LDB3: variants seen among roughly 807,000 people sequenced by gnomAD.
LDB3 encodes the protein LIM domain-binding protein 3.
A neutral mutation model predicts 69.0 loss-of-function variants in LDB3; 49 were observed. The ratio of observed to expected loss-of-function variants is 0.71; its 90% CI spans 0.56 to 0.90. The LOEUF (loss-of-function observed/expected upper bound fraction) is 0.90. Among genes scored for constraint, LDB3 ranks in the 40% least tolerant of loss-of-function variants. LDB3 has a pLI of 0.00. For synonymous variants in LDB3, 387 were observed against 396.2 expected, an observed-to-expected ratio of 0.98 and a Z score of 0.28; for missense variants, 928 against 974.1, an observed-to-expected ratio of 0.95 and a Z score of 0.63.
chr10:86,713,172 A>G (rs560273666), intron 9 of LDB3, among the ~76,000 whole-genome samples: 1 of 152,278 alleles, frequency 6.6e-6, no homozygotes, highest in South Asian at 2.1e-4. Context: ...TCTTGGTCGG[A>G]CTAGCCACAT....
intron 10 of LDB3, among the ~76,000 whole-genome samples, chr10:86,717,454 A>T (rs552316582): frequency 2.0e-4 from 31 of 152,374 alleles, no homozygotes; most frequent in African/African-American, 7.2e-4. Flanking sequence ...TAGACAATAC[A>T]AGTTTGTATC....
At chr10:86,718,622 GC>G in intron 11 of LDB3, 104 bp from the exon 12 acceptor site, 1 of 1,488,182 alleles carries the variant, frequency 6.7e-7, no homozygotes, top group East Asian at 2.3e-5. Flanking sequence ...GAGATCTCCT[GC>G]CCTGTTCCCT....
intron 2 of LDB3, among the ~76,000 whole-genome samples, chr10:86,674,471 G>T (rs1391916977): frequency 6.6e-6 from 1 of 152,158 alleles, no homozygotes; most frequent in Non-Finnish European, 1.5e-5. Context: ...AGGCGGAAGG[G>T]CTCCTGGGGG....
intron 7 of LDB3, among the ~76,000 whole-genome samples, chr10:86,696,273 C>T (rs1845994036): frequency 6.6e-6 from 1 of 152,160 alleles, no homozygotes; most frequent in Admixed American, 6.5e-5. Flanking sequence ...CCAATGGGTG[C>T]CCCCGCCAAT....
At chr10:86,691,359 C>A (rs1485845001) in intron 5 of LDB3, among the ~76,000 whole-genome samples, 1 of 152,200 alleles carries the variant, frequency 6.6e-6, no homozygotes, top group Non-Finnish European at 1.5e-5. Context: ...TGCCTTGTTT[C>A]TTACCACTTT....
intron 5 of LDB3, among the ~76,000 whole-genome samples, chr10:86,690,251 G>C (rs1845693459): frequency 6.6e-6 from 1 of 152,126 alleles, no homozygotes; most frequent in African/African-American, 2.4e-5. Context: ...CCTCCCAGTG[G>C]GTCAGGAGCC....
rs185972751 is a variant in LDB3, at chr10:86,699,697, C to T, written c.897-6834C>T. The T allele has an allele frequency of 1.3e-3, 1,494 of 1,192,968 alleles. 3 individuals carry two copies. Among genetic ancestry groups the T allele is most frequent in the Non-Finnish European group, 1.4e-3 (1,321 of 950,108 alleles). The allele number at this position is 1,192,968 out of a possible 1,614,324, so 73.9% of individuals were successfully genotyped here. On this transcript the variant is annotated intron_variant, in intron 7 of 13. Coordinates refer to ENST00000361373, the MANE Select transcript of LDB3 (RefSeq NM_007078.3). This position sits in a 1 kb window ranked among gnomAD's most constrained non-coding sequence, Gnocchi z 4.9. ...GGGCAGGAGGGGTTTGCTGGCATAA[C>T]ACCCCAGAACCAAGGGAAATGGATG...
intron 6 of LDB3, 113 bp from the exon 7 acceptor site, chr10:86,692,422 A>C (rs1845810192): frequency 1.9e-6 from 2 of 1,052,262 alleles, no homozygotes; most frequent in South Asian, 2.5e-5. Context: ...GCAAGGGGGC[A>C]GTCACCGTGT....
chr10:86,705,680 C>T (rs1398501953), intron 7 of LDB3, among the ~76,000 whole-genome samples: 3 of 152,240 alleles, frequency 2.0e-5, no homozygotes, highest in Admixed American at 2.0e-4. Context: ...GTCTGGTCCA[C>T]ACTGGCAGTG....
intron 9 of LDB3, 44 bp downstream of exon 9, chr10:86,710,094 G>C: frequency 1.2e-6 from 2 of 1,603,698 alleles, no homozygotes; most frequent in Non-Finnish European, 1.7e-6. Flanking sequence ...AGCCATGGGC[G>C]GGCTCCAGGA....
chr10:86,676,576 A>AGAG (rs1440601143), intron 2 of LDB3, among the ~76,000 whole-genome samples: 1 of 138,516 alleles, frequency 7.2e-6, no homozygotes, highest in Non-Finnish European at 1.5e-5. Flanking sequence ...AAAAAAAAAA[A>AGAG]AAAGAGAAAG....
chr10:86,691,812 C>T, intron 5 of LDB3, 84 bp from the exon 6 acceptor site: 1 of 1,487,294 alleles, frequency 6.7e-7, no homozygotes, highest in Non-Finnish European at 9.4e-7. Flanking sequence ...ATAGGGGCCA[C>T]CAATGGGCAT....
rs117577420 is a variant in LDB3, at chr10:86,707,491, C to T, written c.1085+772C>T. On this transcript the variant is annotated intron_variant, in intron 8 of 13. Coordinates refer to ENST00000361373, the MANE Select transcript of LDB3 (RefSeq NM_007078.3). ...GAGACCAAAGGCCAGGGGAGAAGAG[C>T]GAAGGCAGAGAGGCCAGGCTGACAG... 1.9e-3 allele frequency among the ~76,000 whole-genome samples: 282 copies of T among 152,158 alleles called. 2 individuals are homozygous for T. The East Asian group carries it at 0.042, about 22-fold the overall frequency.
rs1365805603 is a variant in LDB3 at position 86,734,376 on chromosome 10, G to A, written c.*1400G>A. ...AGCTTAGATTCTGTGGTTGGAAACA[G>A]TGTAGTCGCTTCCCTTTTTAGGAAG... is the stretch of plus-strand genomic sequence containing the variant. On this transcript the variant is annotated 3_prime_UTR_variant, in exon 14 of 14. Transcript: ENST00000361373. The A allele has an allele frequency of 6.6e-6, 1 of 152,214 alleles. No homozygotes were observed. Among genetic ancestry groups the A allele is most frequent in the Non-Finnish European group, 1.5e-5 (1 of 68,044 alleles). 9.4% of individuals were successfully genotyped at this position (152,214 alleles called of 1,614,324 possible).
chr10:86,731,225 CT>C (rs200417366), intron 13 of LDB3, among the ~76,000 whole-genome samples: 33,012 of 115,172 alleles, frequency 0.29, 3,282 homozygotes, highest in East Asian at 0.47. Flanking sequence ...CCATATCTAC[CT>C]TTTTTTTTTT....
chr10:86,708,201 G>A (rs1283920857), intron 8 of LDB3, among the ~76,000 whole-genome samples: 1 of 152,248 alleles, frequency 6.6e-6, no homozygotes, highest in Non-Finnish European at 1.5e-5. Context: ...GCCTTGCCAG[G>A]AGAGCTGGGA....
In LDB3 at chr10:86,716,681, C is replaced by G. The variant is rs397517217; in HGVS notation, c.1586C>G (p.Pro529Arg). The G allele has an allele frequency of 6.2e-7, 1 of 1,613,916 alleles. No homozygotes were observed. Among genetic ancestry groups the G allele is most frequent in the Admixed American group, 1.7e-5 (1 of 60,026 alleles). ...TACACCCCAGCGGGTCCTCAGGTGC[C>G]ACCACTTGCCAGGGGGACCGTCCAG... is the stretch of plus-strand genomic sequence containing the variant. ...PAYTPAGPQV[P>R]PLARGTVQRA... Residue 529 changes from proline (P) to arginine (R), a missense_variant, in exon 10 of 14, where the codon CCA becomes CGA. Physicochemically the swap from Pro to Arg is moderately radical, Grantham distance 103. Coordinates refer to ENST00000361373, the MANE Select transcript of LDB3 (RefSeq NM_007078.3).
intron 8 of LDB3, among the ~76,000 whole-genome samples, chr10:86,709,443 G>A (rs1446326720): frequency 6.6e-6 from 1 of 152,146 alleles, no homozygotes; most frequent in Non-Finnish European, 1.5e-5. Context: ...AGCTCTCACT[G>A]GAGCATCTGT....
At chr10:86,681,295 G>A (rs1845108018) in intron 4 of LDB3, 141 bp from the exon 5 acceptor site, 2 of 1,271,690 alleles carry the variant, frequency 1.6e-6, no homozygotes. Context: ...TCCCCTCCAA[G>A]TGCTGCGCCC....
Sources: gnomAD v4.1 joint callset for allele counts (sites outside exome capture counted in the v4.1 genomes callset) on GRCh38, gnomAD v4.1.1 for gene constraint, Gnocchi (gnomAD v3.1) non-coding constraint, MANE v1.5 for transcripts, NCBI Gene and HGNC (gene_info 2026-07-23, HGNC 2026-07-21) for gene names.